Variants in LHPP observed in about 807,000 individuals in gnomAD.
The protein encoded by LHPP is hLHPP.
LHPP carries 24 observed loss-of-function variants against 30.3 expected under a neutral mutation model. That is an observed-to-expected ratio of 0.79 (90% CI 0.57 to 1.11). LHPP has a LOEUF of 1.11. LHPP is among the 50% of genes most tolerant of loss of function. The pLI is 0.00. For synonymous variants in LHPP, 150 were observed against 157.1 expected, an observed-to-expected ratio of 0.95 and a Z score of 0.34; for missense variants, 356 against 367.2, an observed-to-expected ratio of 0.97 and a Z score of 0.25.
At chr10:124,607,318 C>T (rs1358499604) in intron 6 of LHPP, among the ~76,000 whole-genome samples, 1 of 152,230 alleles carries the variant, frequency 6.6e-6, no homozygotes, top group East Asian at 1.9e-4. Context: ...GCCACCAGGC[C>T]AGGAACAGGT....
At chr10:124,580,098 T>C (rs1052196484) in intron 6 of LHPP, among the ~76,000 whole-genome samples, 2 of 148,120 alleles carry the variant, frequency 1.4e-5, no homozygotes, top group Admixed American at 1.3e-4. Context: ...TCATATCCTT[T>C]GTAGCTTCAC....
At chr10:124,515,798 G>C (rs1954436315) in intron 5 of LHPP, among the ~76,000 whole-genome samples, 1 of 152,182 alleles carries the variant, frequency 6.6e-6, no homozygotes, top group Admixed American at 6.5e-5. Context: ...CTGGCTGGTG[G>C]GGACATAACG....
chr10:124,490,006 G>A (rs184382294), intron 3 of LHPP: 147 of 164,874 alleles, frequency 8.9e-4, no homozygotes, highest in African/African-American at 2.9e-3. Flanking sequence ...GGTGTCTTTC[G>A]CCATCTGTGG....
intron 1 of LHPP, among the ~76,000 whole-genome samples, chr10:124,470,012 G>A (rs1952679489): frequency 6.6e-6 from 1 of 152,218 alleles, no homozygotes; most frequent in South Asian, 2.1e-4. Flanking sequence ...TGGCCAGGCA[G>A]GGCCCACTTG....
At chr10:124,600,381 G>C (rs544472190) in intron 6 of LHPP, among the ~76,000 whole-genome samples, 1 of 152,378 alleles carries the variant, frequency 6.6e-6, no homozygotes, top group East Asian at 1.9e-4. Flanking sequence ...GGGCAGGGTG[G>C]GGGGCTCGCC....
chr10:124,472,924 T>C (rs180725294), intron 1 of LHPP, among the ~76,000 whole-genome samples: 137 of 152,066 alleles, frequency 9.0e-4, no homozygotes, highest in African/African-American at 3.0e-3. Flanking sequence ...TGGGGTAGAG[T>C]CATAATAGAA....
At chr10:124,473,695 G>T (rs1952857836) in intron 1 of LHPP, among the ~76,000 whole-genome samples, 1 of 152,190 alleles carries the variant, frequency 6.6e-6, no homozygotes, top group South Asian at 2.1e-4. Flanking sequence ...ACTCATGCCT[G>T]TAATCCCAGC....
chr10:124,537,020 A>G (rs557124084), intron 6 of LHPP, among the ~76,000 whole-genome samples: 1 of 152,354 alleles, frequency 6.6e-6, no homozygotes, highest in African/African-American at 2.4e-5. Context: ...CCATCTTTTC[A>G]GAATAATCTA....
At position 124,523,400 on chromosome 10, in the gene LHPP, G is replaced by A. The variant is rs1954657715; in HGVS notation, c.716+6129G>A. On this transcript the variant is annotated intron_variant, in intron 6 of 6. Transcript: ENST00000368842. This position sits in a 1 kb window ranked among gnomAD's most constrained non-coding sequence, Gnocchi z 4.2. The stretch of plus-strand genomic sequence containing the variant: ...GGTGCATGGCTGTGGAGCTGGCTGC[G>A]TCGGGAGGGAGAGTGCCCCCACGCC... 1.3e-5 allele frequency among the ~76,000 whole-genome samples: 2 copies of A among 152,324 alleles called. No individual in the cohort carries two copies. Among genetic ancestry groups the A allele is most frequent in the Admixed American group, 6.5e-5 (1 of 15,300 alleles).
intron 3 of LHPP, among the ~76,000 whole-genome samples, chr10:124,495,959 G>T (rs1237135078): frequency 1.3e-5 from 2 of 152,226 alleles, no homozygotes; most frequent in Non-Finnish European, 2.9e-5. Context: ...TTAGAAGGCA[G>T]TGAGATCTGA....
chr10:124,513,276 TCTGGAACTC>T (rs765562498), intron 5 of LHPP, among the ~76,000 whole-genome samples: 6 of 151,950 alleles, frequency 3.9e-5, no homozygotes, highest in Non-Finnish European at 8.8e-5. Context: ...CCCAGGCTGG[TCTGGAACTC>T]CTGGGCTCAA....
At chr10:124,580,676 C>T (rs997597383) in intron 6 of LHPP, among the ~76,000 whole-genome samples, 1 of 151,544 alleles carries the variant, frequency 6.6e-6, no homozygotes, top group African/African-American at 2.4e-5. Context: ...TATATTCATA[C>T]ACCATCGCTA....
At chr10:124,486,765 G>T (rs1179906602) in intron 2 of LHPP, among the ~76,000 whole-genome samples, 8 of 152,244 alleles carry the variant, frequency 5.3e-5, no homozygotes, top group Admixed American at 5.2e-4. Flanking sequence ...AGGGCCGCAG[G>T]GATACAGAAA....
At chr10:124,581,490 A>G (rs1219071275) in intron 6 of LHPP, among the ~76,000 whole-genome samples, 1 of 152,216 alleles carries the variant, frequency 6.6e-6, no homozygotes, top group Non-Finnish European at 1.5e-5. Context: ...ATTCAAAAGC[A>G]GCTGCACCAT....
At chr10:124,534,212 T>C (rs922623026) in intron 6 of LHPP, among the ~76,000 whole-genome samples, 5 of 152,226 alleles carry the variant, frequency 3.3e-5, no homozygotes, top group African/African-American at 9.6e-5. Flanking sequence ...CTGCATGTCA[T>C]AGGCTTGGCG....
rs1948902820 is a variant in LHPP, at chr10:124,593,217, T to C, written c.717-20047T>C. ...CAAGTCCAGACAGAAGAGAGCGTCC[T>C]GGGAAGCCAGCTGAGAGCACCTCTT... On this transcript the variant is annotated intron_variant, in intron 6 of 6. Transcript: ENST00000368842. This position sits in a 1 kb window ranked among gnomAD's most constrained non-coding sequence, Gnocchi z 4.9. Among the ~76,000 whole-genome samples, 1 of 152,148 alleles carries C rather than the reference T, an allele frequency of 6.6e-6. No individual in the cohort carries two copies. Among genetic ancestry groups the C allele is most frequent in the Non-Finnish European group, 1.5e-5 (1 of 68,016 alleles).
rs1040829159 is a variant in LHPP at position 124,467,415 on chromosome 10, G to A, written c.125+5428G>A. ...GGGGGCAGGGAGGGGGTCATGGGGC[G>A]GGAACCATGATGGCTCATGATGTAT... On this transcript the variant is annotated intron_variant, in intron 1 of 6. Coordinates refer to ENST00000368842, the MANE Select transcript of LHPP (RefSeq NM_022126.4). Among the ~76,000 whole-genome samples, 8 of 151,854 alleles carry A rather than the reference G, an allele frequency of 5.3e-5. No individual in the cohort carries two copies. The East Asian group carries it at 9.6e-4, about 18-fold the overall frequency.
chr10:124,514,923 T>A (rs1454987519), intron 5 of LHPP, among the ~76,000 whole-genome samples: 1 of 152,114 alleles, frequency 6.6e-6, no homozygotes, highest in East Asian at 1.9e-4. Context: ...CACCTCAGTC[T>A]CCCAAGTAGC....
At chr10:124,549,761 C>T (rs1427107831) in intron 6 of LHPP, among the ~76,000 whole-genome samples, 3 of 152,192 alleles carry the variant, frequency 2.0e-5, no homozygotes, top group African/African-American at 4.8e-5. Context: ...TGGGCATGGC[C>T]GGGAAAGGCA....
Sources: gnomAD v4.1 joint callset for allele counts (sites outside exome capture counted in the v4.1 genomes callset) on GRCh38, gnomAD v4.1.1 for gene constraint, Gnocchi (gnomAD v3.1) non-coding constraint, MANE v1.5 for transcripts, NCBI Gene and HGNC (gene_info 2026-07-23, HGNC 2026-07-21) for gene names.